The following SEC31A variants were observed in gnomAD, a reference collection of about 807,000 sequenced individuals.
SEC31A encodes SEC31 homolog A, COPII component.
Under a neutral mutation model 151.0 loss-of-function variants are expected in SEC31A, and 70 were observed. That is an observed-to-expected ratio of 0.46 (90% CI 0.38 to 0.57). SEC31A has a LOEUF of 0.57. Ranked by LOEUF, SEC31A falls within the 20% of genes least tolerant of loss-of-function variation. The pLI is 0.00. For missense variants in SEC31A, 1,330 were observed against 1,471.2 expected (o/e 0.90, Z 1.57); for synonymous variants, 475 against 505.9 (o/e 0.94, Z 0.82).
At chr4:82,854,300 T>A (rs554812544) in intron 17 of SEC31A, among the ~76,000 whole-genome samples, 3 of 150,584 alleles carry the variant, frequency 2.0e-5, no homozygotes, top group African/African-American at 7.4e-5. Flanking sequence ...GGGGTGGAGG[T>A]TGCAGTGAGC....
chr4:82,852,189 T>C (rs895043589), intron 18 of SEC31A, among the ~76,000 whole-genome samples: 1 of 152,160 alleles, frequency 6.6e-6, no homozygotes, highest in Non-Finnish European at 1.5e-5. Flanking sequence ...TGCTCCTCCT[T>C]CACCTTGAGC....
At chr4:82,843,178 T>C (rs537404711) in intron 21 of SEC31A, among the ~76,000 whole-genome samples, 33 of 151,168 alleles carry the variant, frequency 2.2e-4, no homozygotes, top group African/African-American at 7.7e-4. Context: ...TCACCCAAAC[T>C]GGAGTGCAAT....
intron 6 of SEC31A, among the ~76,000 whole-genome samples, chr4:82,872,346 T>G (rs936915748): frequency 1.3e-5 from 2 of 152,228 alleles, no homozygotes; most frequent in South Asian, 2.1e-4. Context: ...CAAGCCACCA[T>G]GCCAGCAAAC....
intron 6 of SEC31A, among the ~76,000 whole-genome samples, chr4:82,873,732 T>C (rs1737286038): frequency 2.0e-5 from 3 of 151,920 alleles, no homozygotes; most frequent in Non-Finnish European, 2.9e-5. Context: ...TGTCAAACTA[T>C]CCAATGTACT....
rs1337421341 is a variant in SEC31A, at chr4:82,851,608, A to G, written c.2155-4T>C. The G allele has an allele frequency of 6.2e-7, 1 of 1,601,828 alleles. No homozygotes were observed. Among genetic ancestry groups the G allele is most frequent in the Non-Finnish European group, 8.5e-7 (1 of 1,171,860 alleles). ...TGACAACTTTCTCAATCAGATCCTAAATGAAAAAAATGAGTAACAAACAGA... is the reference window on the plus strand; with the variant it reads ...TGACAACTTTCTCAATCAGATCCTAGATGAAAAAAATGAGTAACAAACAGA... On this transcript the variant is annotated splice_polypyrimidine_tract_variant and splice_region_variant and intron_variant, in intron 18 of 26. Transcript: ENST00000395310.
At chr4:82,850,347 A>C (rs1223161340) in intron 19 of SEC31A, among the ~76,000 whole-genome samples, 4 of 152,170 alleles carry the variant, frequency 2.6e-5, no homozygotes, top group Non-Finnish European at 5.9e-5. Context: ...ATTATGTATC[A>C]GCTATTCTAT....
intron 9 of SEC31A, 65 bp from the exon 10 acceptor site, chr4:82,867,025 A>C (rs1735565525): frequency 3.2e-6 from 5 of 1,571,928 alleles, no homozygotes; most frequent in Middle Eastern, 3.5e-4. Flanking sequence ...TTCCAGTCAT[A>C]TCCAAAAAAA....
At position 82,827,568 on chromosome 4, in the gene SEC31A, G is replaced by A. The variant is rs34982573; in HGVS notation, c.3092C>T (p.Pro1031Leu). ...CTGTTGCTGCAGCATTTGTGACTGGGGGTCACCCAACGGGTTCATGATTGG... is the reference window on the plus strand; with the variant it reads ...CTGTTGCTGCAGCATTTGTGACTGGAGGTCACCCAACGGGTTCATGATTGG... The part of the protein sequence containing the change: ...TSPIMNPLGD[P>L]QSQMLQQQPS... The change falls in exon 24 of 27, where the codon CCC becomes CTC. Residue 1031 changes from proline to leucine, a missense_variant. Physicochemically the swap from Pro to Leu is moderately conservative, Grantham distance 98. Transcript: ENST00000395310. 1,839 of 1,614,198 alleles carry A rather than the reference G, an allele frequency of 1.1e-3. 16 individuals are homozygous for A. The African/African-American group carries it at 0.022, about 19-fold the overall frequency.
chr4:82,864,272 G>T, intron 11 of SEC31A, 90 bp downstream of exon 11: 2 of 913,488 alleles, frequency 2.2e-6, no homozygotes, highest in East Asian at 2.5e-5. Context: ...TTTTTCAATT[G>T]TTTCTTTAAT....
In SEC31A at chr4:82,819,207, A is replaced by G. The variant is rs772380537; in HGVS notation, c.3530T>C (p.Ile1177Thr). The G allele has an allele frequency of 1.9e-6, 3 of 1,610,760 alleles. No homozygotes were observed. Among genetic ancestry groups the G allele is most frequent in the Non-Finnish European group, 2.5e-6 (3 of 1,178,520 alleles). ...TSGLHNIARS[I>T]ETRNYSEGLT... ...TCCTTCTGAGTAGTTTCGAGTTTCA[A>G]TGCTCCTTGCAATGTTGTGTAAACC... is the stretch of plus-strand genomic sequence containing the variant. The change falls in exon 27 of 27, where the codon ATT (isoleucine) becomes ACT (threonine). Residue 1177 changes from isoleucine (I) to threonine (T), a missense_variant. Coordinates refer to ENST00000395310, the MANE Select transcript of SEC31A (RefSeq NM_001077207.4).
intron 25 of SEC31A, chr4:82,821,312 A>G: frequency 2.3e-5 from 11 of 486,438 alleles, no homozygotes; most frequent in Non-Finnish European, 4.0e-5. Flanking sequence ...ACTTTGGGAG[A>G]CCAAGGCAGG....
chr4:82,819,537 G>A (rs1722860085), intron 26 of SEC31A, among the ~76,000 whole-genome samples: 1 of 152,130 alleles, frequency 6.6e-6, no homozygotes, highest in South Asian at 2.1e-4. Context: ...AAACTGAAAT[G>A]CTAATTTCTC....
chr4:82,825,101 T>G (rs1299113831), intron 24 of SEC31A, among the ~76,000 whole-genome samples: 1 of 152,234 alleles, frequency 6.6e-6, no homozygotes, highest in Non-Finnish European at 1.5e-5. Context: ...GTTTTACTCT[T>G]AGAGGTTGTT....
At chr4:82,824,790 A>G (rs1394627851) in intron 24 of SEC31A, 116 bp from the exon 25 acceptor site, 1 of 1,128,192 alleles carries the variant, frequency 8.9e-7, no homozygotes, top group Non-Finnish European at 1.2e-6. Context: ...CCTATTCAAA[A>G]TCAAATTAAA....
chr4:82,876,816 G>T (rs192297179), intron 4 of SEC31A, among the ~76,000 whole-genome samples: 4 of 152,182 alleles, frequency 2.6e-5, no homozygotes, highest in Admixed American at 6.5e-5. Context: ...CTATCAGTTG[G>T]CATATAACTA....
chr4:82,864,439 C>T lies in SEC31A; in HGVS notation c.1357G>A (p.Gly453Arg). 2 of 1,614,100 alleles carry T rather than the reference C, an allele frequency of 1.2e-6. No individual in the cohort carries two copies. Among genetic ancestry groups the T allele is most frequent in the Non-Finnish European group, 1.7e-6 (2 of 1,180,020 alleles). ...TTTTTTTGGCAATAATTGATAAATC[C>T]TTGTGACTGCACAGCCTGCTGAAGT... is the stretch of plus-strand genomic sequence containing the variant. ...DQLQQAVQSQGFINYCQKKID... is the reference protein window; with the variant it reads ...DQLQQAVQSQRFINYCQKKID... The change falls in exon 11 of 27, where the codon GGA (glycine) becomes AGA (arginine). Residue 453 changes from glycine (G) to arginine (R), a missense_variant. Coordinates refer to ENST00000395310, the MANE Select transcript of SEC31A (RefSeq NM_001077207.4).
rs1167088511 is a variant in SEC31A at position 82,878,718 on chromosome 4, T to C, written c.402+12A>G. ...ACATAGTCTAAGAATTATGAAATGT[T>C]AAAGTCTTAACCTGGAAAATGTTCA... is the stretch of plus-strand genomic sequence containing the variant. On this transcript the variant is annotated intron_variant, in intron 4 of 26. Transcript: ENST00000395310. The C allele has an allele frequency of 1.2e-6, 2 of 1,605,804 alleles. No homozygotes were observed. Among genetic ancestry groups the C allele is most frequent in the Non-Finnish European group, 1.7e-6 (2 of 1,172,772 alleles).
At chr4:82,892,977 G>C (rs1719905538), upstream of SEC31A, 1 of 152,160 alleles carries the variant, frequency 6.6e-6, no homozygotes, top group Admixed American at 6.5e-5. Context: ...GCCTAATCCT[G>C]AATCAAATAA....
intron 6 of SEC31A, among the ~76,000 whole-genome samples, chr4:82,874,225 G>A (rs1737417761): frequency 6.6e-6 from 1 of 151,712 alleles, no homozygotes; most frequent in South Asian, 2.1e-4. Context: ...TTGAACCCAG[G>A]AGGCAGAGGT....
Sources: allele counts gnomAD v4.1 joint callset (sites outside exome capture counted in the v4.1 genomes callset), GRCh38; gene constraint gnomAD v4.1.1; transcripts MANE v1.5; gene names NCBI Gene and HGNC (gene_info 2026-07-23, HGNC 2026-07-21).